MTA3: variants seen among roughly 807,000 people sequenced by gnomAD.
MTA3 encodes metastasis-associated protein MTA3.
In MTA3, 34 loss-of-function variants were observed where a neutral mutation model predicts 83.5. The ratio of observed to expected loss-of-function variants is 0.41; its 90% CI spans 0.31 to 0.54. The LOEUF (loss-of-function observed/expected upper bound fraction) is 0.54. MTA3 is among the 20% of genes least tolerant of loss of function. The pLI is 0.33. For synonymous variants in MTA3, 303 were observed against 252.7 expected, an observed-to-expected ratio of 1.20 and a Z score of -1.89; for missense variants, 761 against 726.4, an observed-to-expected ratio of 1.05 and a Z score of -0.55.
At chr2:42,656,530 A>G (rs1352276241) in intron 7 of MTA3, among the ~76,000 whole-genome samples, 1 of 152,230 alleles carries the variant, frequency 6.6e-6, no homozygotes. Flanking sequence ...ACAGAAAAGT[A>G]TAAAGAAGAA....
rs1248710019 is a variant in MTA3 at position 42,606,443 on chromosome 2, C to G, written c.191-3015C>G. Among the ~76,000 whole-genome samples the G allele has an allele frequency of 4.0e-5, 6 of 149,342 alleles. No homozygotes were observed. In the East Asian group the frequency reaches 1.2e-3, roughly 30 times the overall value. On this transcript the variant is annotated intron_variant, in intron 3 of 16. Coordinates refer to ENST00000405094, the MANE Select transcript of MTA3 (RefSeq NM_001330442.2). ...GACGGGGCGGCGGGGCAGAGGCGCT[C>G]CCCACATCTCAGACGATCTCCTCAC...
At chr2:42,529,903 A>G (rs772127427) in intron 2 of MTA3, among the ~76,000 whole-genome samples, 2 of 152,144 alleles carry the variant, frequency 1.3e-5, no homozygotes, top group Non-Finnish European at 2.9e-5. Flanking sequence ...TAAGATTACA[A>G]TCGGACAGGC....
At chr2:42,633,838 G>A (rs1686926323) in intron 4 of MTA3, among the ~76,000 whole-genome samples, 2 of 150,782 alleles carry the variant, frequency 1.3e-5, no homozygotes, top group South Asian at 2.1e-4. Flanking sequence ...GCAGTGAGCC[G>A]AGACCGCGCC....
At chr2:42,574,087 C>T (rs1201607889) in intron 2 of MTA3, among the ~76,000 whole-genome samples, 7 of 149,576 alleles carry the variant, frequency 4.7e-5, no homozygotes, top group South Asian at 4.2e-4. Flanking sequence ...CCGCCTGCCT[C>T]GGCCTCCCAA....
chr2:42,708,770 A>G, intron 13 of MTA3, 104 bp from the exon 14 acceptor site: 1 of 1,204,526 alleles, frequency 8.3e-7, no homozygotes, highest in Non-Finnish European at 1.2e-6. Flanking sequence ...TAGATGCTTC[A>G]TGAAAGATTT....
rs943608162 is a variant in MTA3, at chr2:42,753,510, C to T, written c.*111C>T. The T allele has an allele frequency of 1.5e-5, 23 of 1,528,324 alleles. No individual in the cohort carries two copies. The highest frequency in any genetic ancestry group is 2.0e-5 in the Admixed American group (1 of 49,270). 94.7% of individuals were successfully genotyped at this position (1,528,324 alleles called of 1,614,324 possible). On this transcript the variant is annotated 3_prime_UTR_variant, in exon 17 of 17. Transcript: ENST00000405094. ...ACTCCCAGTACATTTCAGTGGGAGA[C>T]CTCTGCGTGCATCCATGGAGACGCA...
chr2:42,554,471 C>T (rs1367757095), intron 2 of MTA3, among the ~76,000 whole-genome samples: 3 of 152,146 alleles, frequency 2.0e-5, no homozygotes, highest in African/African-American at 7.2e-5. Context: ...TGGAAAATGT[C>T]AGCCTGTCTC....
chr2:42,558,552 T>TA (rs202075461), intron 2 of MTA3, among the ~76,000 whole-genome samples: 94 of 149,720 alleles, frequency 6.3e-4, no homozygotes, highest in African/African-American at 2.2e-3. Flanking sequence ...ACCCAGCCTT[T>TA]AAAAAAATTT....
intron 4 of MTA3, among the ~76,000 whole-genome samples, chr2:42,627,139 C>T (rs560157276): frequency 1.2e-4 from 18 of 151,834 alleles, no homozygotes; most frequent in East Asian, 7.8e-4. Flanking sequence ...TGCAGTGGCA[C>T]GATTCGTGGC....
chr2:42,548,846 A>ATATATATTATATATATATATATAAT lies in MTA3; in HGVS notation c.-140-21591_-140-21590insTATATATTATATATATATATATAAT, dbSNP rs1553340715. Among the ~76,000 whole-genome samples the ATATATATTATATATATATATATAAT allele has an allele frequency of 9.3e-4, 14 of 15,064 alleles. 1 individual carries two copies. The highest frequency in any genetic ancestry group is 3.2e-3 in the African/African-American group (12 of 3,796). 9.9% of individuals were successfully genotyped at this position (15,064 alleles called of 152,430 possible). A position where few individuals can be genotyped will look rare whatever the true frequency, so the allele number is the denominator to read the frequency against. On this transcript the variant is annotated intron_variant, in intron 2 of 17. Transcript: ENST00000405592. ...ATATATATAATATATATATATATAT[A>ATATATATTATATATATATATATAAT]ATATATATATATAATATATATATAT...
intron 2 of MTA3, among the ~76,000 whole-genome samples, chr2:42,500,042 G>C (rs1249433396): frequency 6.6e-6 from 1 of 151,928 alleles, no homozygotes; most frequent in East Asian, 1.9e-4. Context: ...GCAGAGGCAG[G>C]TGGATCATTT....
At chr2:42,687,326 T>C (rs1241058736) in intron 9 of MTA3, among the ~76,000 whole-genome samples, 1 of 152,226 alleles carries the variant, frequency 6.6e-6, no homozygotes, top group African/African-American at 2.4e-5. Flanking sequence ...CTTTTTAATT[T>C]TGGTTTCTTT....
chr2:42,602,439 G>A (rs1682696168), intron 3 of MTA3, among the ~76,000 whole-genome samples: 1 of 152,172 alleles, frequency 6.6e-6, no homozygotes, highest in African/African-American at 2.4e-5. Context: ...TCATGTGGTG[G>A]AAGAAACTTG....
intron 2 of MTA3, chr2:42,532,751 T>TTA: frequency 8.5e-6 from 2 of 235,100 alleles, no homozygotes; most frequent in Non-Finnish European, 1.7e-5. Flanking sequence ...TTTTTTTTTT[T>TTA]AAACACCTAT....
At chr2:42,534,871 C>A (rs1211789497) in intron 2 of MTA3, among the ~76,000 whole-genome samples, 1 of 152,030 alleles carries the variant, frequency 6.6e-6, no homozygotes, top group African/African-American at 2.4e-5. Context: ...GATCCGCTAG[C>A]CTTGGCCTCC....
chr2:42,696,904 T>C (rs981151354), intron 10 of MTA3, among the ~76,000 whole-genome samples: 4 of 152,190 alleles, frequency 2.6e-5, no homozygotes, highest in African/African-American at 9.6e-5. Context: ...GACCATGTAG[T>C]CTGGGAACCT....
intron 2 of MTA3, among the ~76,000 whole-genome samples, chr2:42,518,884 T>G (rs544338097): frequency 6.6e-6 from 1 of 151,954 alleles, no homozygotes; most frequent in South Asian, 2.1e-4. Context: ...GAGGATCACC[T>G]GAGCCTTCGA....
At chr2:42,708,797 T>C (rs1666335293) in intron 13 of MTA3, 77 bp from the exon 14 acceptor site, 4 of 1,493,214 alleles carry the variant, frequency 2.7e-6, no homozygotes, top group African/African-American at 1.4e-5. Context: ...TGCACTTTTC[T>C]TTTGAGCATG....
At chr2:42,630,466 T>C (rs1686569340) in intron 4 of MTA3, among the ~76,000 whole-genome samples, 1 of 152,348 alleles carries the variant, frequency 6.6e-6, no homozygotes, top group East Asian at 1.9e-4. Context: ...AAATATTCCA[T>C]GCGTATAGAA....
Sources: gnomAD v4.1 joint callset for allele counts (sites outside exome capture counted in the v4.1 genomes callset) on GRCh38, gnomAD v4.1.1 for gene constraint, MANE v1.5 for transcripts, NCBI Gene and HGNC (gene_info 2026-07-23, HGNC 2026-07-21) for gene names.